The following ZDHHC8 variants were observed in gnomAD, a reference collection of about 807,000 sequenced individuals.
ZDHHC8 encodes the protein palmitoyltransferase ZDHHC8.
ZDHHC8 carries 24 observed loss-of-function variants against 61.2 expected under a neutral mutation model. That is an observed-to-expected ratio of 0.39 (90% CI 0.28 to 0.55). The LOEUF is 0.55. ZDHHC8 is among the 20% of genes least tolerant of loss of function. The probability of loss-of-function intolerance (pLI) is 0.60; values close to 1 mark genes in which losing one functional copy is unlikely to be tolerated. For missense variants in ZDHHC8, 935 were observed against 1,102.1 expected (o/e 0.85, Z 2.15); for synonymous variants, 523 against 492.5 (o/e 1.06, Z -0.82).
In ZDHHC8 at chr22:20,132,022, C is replaced by T. The variant is rs952719865; in HGVS notation, c.75C>T (p.Val25=). The T allele has an allele frequency of 2.2e-6, 3 of 1,388,804 alleles. No individual in the cohort carries two copies. The highest frequency in any genetic ancestry group is 3.0e-5 in the African/African-American group (2 of 66,428). 86.0% of individuals were successfully genotyped at this position (1,388,804 alleles called of 1,614,324 possible). The change falls in exon 1 of 11, where the codon GTC becomes GTT. Residue 25 remains valine (V), a synonymous_variant. Transcript: ENST00000334554. ...IPVATAAALL[V]GSSTLFFVFT... ...TGGCCACGGCCGCCGCGCTGCTGGT[C>T]GGCTCCAGCACCCTCTTCTTCGTGT...
At position 20,137,187 on chromosome 22, in the gene ZDHHC8, A is replaced by G. The variant is rs529979959; in HGVS notation, c.105-2007A>G. Reference sequence around the variant, plus strand: ...GGCAGGAGGGACCCGGTCACACTGCAGATTTCCCAAAGTAGCCCCACGGCT... The same window carrying G: ...GGCAGGAGGGACCCGGTCACACTGCGGATTTCCCAAAGTAGCCCCACGGCT... On this transcript the variant is annotated intron_variant, in intron 1 of 10. Coordinates refer to ENST00000334554, the MANE Select transcript of ZDHHC8 (RefSeq NM_013373.4). Among the ~76,000 whole-genome samples, 48 of 152,364 alleles carry G rather than the reference A, an allele frequency of 3.2e-4. No individual in the cohort carries two copies. The South Asian group carries it at 9.9e-3, about 32-fold the overall frequency.
rs756083854 is a variant in ZDHHC8 at position 20,142,777 on chromosome 22, A to G, written c.1147A>G (p.Thr383Ala). 50 of 1,612,254 alleles carry G rather than the reference A, an allele frequency of 3.1e-5. No individual in the cohort carries two copies. Among genetic ancestry groups the G allele is most frequent in the Non-Finnish European group, 3.8e-5 (45 of 1,179,884 alleles). The part of the protein sequence containing the change: ...GEQVPGPDSL[T>A]LGDDSIRSLD... Reference sequence around the variant, plus strand: ...ACAGGTTCCAGGCCCTGATTCCCTGACCCTGGGGGACGACAGCATCCGTAG... The same window carrying G: ...ACAGGTTCCAGGCCCTGATTCCCTGGCCCTGGGGGACGACAGCATCCGTAG... Residue 383 changes from threonine (T) to alanine (A), a missense_variant, in exon 10 of 11, where the codon ACC (threonine) becomes GCC (alanine). Physicochemically the swap from Thr to Ala is moderately conservative, Grantham distance 58. Around this residue, in one of 3 missense-constraint regions of ZDHHC8, gnomAD observed 692 missense variants for 731.4 expected, o/e 0.95. Coordinates refer to ENST00000334554, the MANE Select transcript of ZDHHC8 (RefSeq NM_013373.4).
At chr22:20,132,260 C>A (rs929672489) in intron 1 of ZDHHC8, among the ~76,000 whole-genome samples, 1 of 152,190 alleles carries the variant, frequency 6.6e-6, no homozygotes, top group Non-Finnish European at 1.5e-5. Context: ...GGGGTGAGTC[C>A]CTTGTGTGGG....
At chr22:20,140,747 C>T (rs2050460971) in intron 6 of ZDHHC8, 39 bp downstream of exon 6, 8 of 1,599,706 alleles carry the variant, frequency 5.0e-6, no homozygotes, top group Non-Finnish European at 6.8e-6. Context: ...GGGGCCTCTG[C>T]TGGGTGTGGG....
At chr22:20,134,994 C>T (rs137876602) in intron 1 of ZDHHC8, among the ~76,000 whole-genome samples, 2,384 of 152,288 alleles carry the variant, frequency 0.016, 27 homozygotes, top group Non-Finnish European at 0.027. Flanking sequence ...TGCAGTGGTG[C>T]TACCTCGGCT....
rs780878976 is a variant in ZDHHC8 at position 20,141,000 on chromosome 22, G to A, written c.882G>A (p.Leu294=). The change falls in exon 7 of 11, where the codon CTG becomes CTA. Residue 294 remains leucine, a synonymous_variant. Transcript: ENST00000334554. The stretch of plus-strand genomic sequence containing the variant: ...GTGACAACGGGCTGAAGGCTGGCCT[G>A]GGCCGTAGCAAGGTGGGCGCCTGGG... The part of the protein sequence containing the change: ...KLSDNGLKAG[L]GRSKSKGSLD... 1 of 1,610,960 alleles carries A rather than the reference G, an allele frequency of 6.2e-7. No individual in the cohort carries two copies. Among genetic ancestry groups the A allele is most frequent in the African/African-American group, 1.3e-5 (1 of 74,950 alleles).
rs189586004 is a variant in ZDHHC8 at position 20,133,516 on chromosome 22, G to A, written c.104+1465G>A. Among the ~76,000 whole-genome samples, 387 of 152,256 alleles carry A rather than the reference G, an allele frequency of 2.5e-3. 5 individuals are homozygous for A. The highest frequency in any genetic ancestry group is 9.0e-3 in the African/African-American group (372 of 41,552). ...GGCCAAGGTGGGCAGATCACCTGAG[G>A]TCAGGAGTTTGAGACCAGCCTGGCC... On this transcript the variant is annotated intron_variant, in intron 1 of 10. Coordinates refer to ENST00000334554, the MANE Select transcript of ZDHHC8 (RefSeq NM_013373.4).
intron 1 of ZDHHC8, 38 bp from the exon 2 acceptor site, chr22:20,139,156 C>A: frequency 6.2e-7 from 1 of 1,601,122 alleles, no homozygotes; most frequent in South Asian, 1.1e-5. Flanking sequence ...CGCTCTGCAC[C>A]CCCAGACTCC....
chr22:20,147,127 C>T lies in ZDHHC8; in HGVS notation c.*1727C>T. 2 of 1,534,702 alleles carry T rather than the reference C, an allele frequency of 1.3e-6. No individual in the cohort carries two copies. The highest frequency in any genetic ancestry group is 1.8e-6 in the Non-Finnish European group (2 of 1,141,124). ...TGGCCGCCCGGAGGACCGCCCACCA[C>T]TGCGGGCCCCCTGGAGCCAGGCCGC... On this transcript the variant is annotated 3_prime_UTR_variant, in exon 11 of 11. Transcript: ENST00000334554.
Position 20,142,686 on chromosome 22 carries a change from C to T in ZDHHC8, c.1126-70C>T, listed in dbSNP as rs569678750. 144 of 1,597,052 alleles carry T rather than the reference C, an allele frequency of 9.0e-5. No individual in the cohort carries two copies. The African/African-American group carries it at 1.7e-3, about 18-fold the overall frequency. On this transcript the variant is annotated intron_variant, in intron 9 of 10. Coordinates refer to ENST00000334554, the MANE Select transcript of ZDHHC8 (RefSeq NM_013373.4). ...AGGCCACGGTGCCATGTGTGGCCCC[C>T]GTGGGTGCTGACTGGCGGCTGCAGG... is the stretch of plus-strand genomic sequence containing the variant.
intron 3 of ZDHHC8, 24 bp from the exon 4 acceptor site, chr22:20,139,696 C>T (rs575036371): frequency 9.3e-6 from 15 of 1,611,326 alleles, no homozygotes; most frequent in Non-Finnish European, 1.3e-5. Flanking sequence ...CTGCCATGTG[C>T]CCTGATGCAC....
In ZDHHC8 at chr22:20,139,296, C is replaced by A; in HGVS notation, c.207C>A (p.Asp69Glu). 1 of 1,613,830 alleles carries A rather than the reference C, an allele frequency of 6.2e-7. No individual in the cohort carries two copies. Among genetic ancestry groups the A allele is most frequent in the Non-Finnish European group, 8.5e-7 (1 of 1,179,928 alleles). The change falls in exon 2 of 11, where the codon GAC becomes GAA. Residue 69 changes from aspartate to glutamate, a missense_variant. This residue lies in a region of ZDHHC8 where 199 missense variants were observed against 334.0 expected (regional missense o/e 0.60). Transcript: ENST00000334554. Reference sequence around the variant, plus strand: ...ACTTCAGCATGGCCACTTTCATGGACCCTGGTGTTTTCCCCCGAGGTAGGG... The same window carrying A: ...ACTTCAGCATGGCCACTTTCATGGAACCTGGTGTTTTCCCCCGAGGTAGGG... The part of the protein sequence containing the change: ...LANFSMATFM[D>E]PGVFPRADED...
intron 2 of ZDHHC8, 42 bp downstream of exon 2, chr22:20,139,357 A>C (rs2050447061): frequency 1.9e-6 from 3 of 1,607,614 alleles, no homozygotes; most frequent in Non-Finnish European, 2.5e-6. Flanking sequence ...CTTTCACTAG[A>C]GTGTGAGTGG....
At position 20,143,167 on chromosome 22, in the gene ZDHHC8, G is replaced by A. The variant is rs765628356; in HGVS notation, c.1537G>A (p.Ala513Thr). The change falls in exon 10 of 11, where the codon GCA (alanine) becomes ACA (threonine). Residue 513 changes from alanine (A) to threonine (T), a missense_variant. Around this residue, in one of 3 missense-constraint regions of ZDHHC8, gnomAD observed 692 missense variants for 731.4 expected, o/e 0.95. Coordinates refer to ENST00000334554, the MANE Select transcript of ZDHHC8 (RefSeq NM_013373.4). The stretch of plus-strand genomic sequence containing the variant: ...CCACTCACCCTACCTGCATCCTGGG[G>A]CAACGGGCGACCCGCCACGGCCCCT... ...GYHSPYLHPG[A>T]TGDPPRPLPR... is the part of the protein sequence containing the mutation. 1 of 1,611,058 alleles carries A rather than the reference G, an allele frequency of 6.2e-7. No homozygotes were observed. The highest frequency in any genetic ancestry group is 1.1e-5 in the South Asian group (1 of 91,058).
At chr22:20,138,590 TG>T (rs998407137) in intron 1 of ZDHHC8, among the ~76,000 whole-genome samples, 5 of 151,990 alleles carry the variant, frequency 3.3e-5, no homozygotes, top group African/African-American at 4.8e-5. Context: ...TGGGAAGTGG[TG>T]GGGGGTGTTG....
Position 20,146,327 on chromosome 22 carries a change from A to G in ZDHHC8, c.*927A>G. ...TGGGAAAGCACACTGGGGAGGGGTC[A>G]GTGCTTCCCTTGGTGTCAGGGACCT... is the stretch of plus-strand genomic sequence containing the variant. On this transcript the variant is annotated 3_prime_UTR_variant, in exon 11 of 11. Coordinates refer to ENST00000334554, the MANE Select transcript of ZDHHC8 (RefSeq NM_013373.4). The G allele has an allele frequency of 1.0e-6, 1 of 985,666 alleles. No individual in the cohort carries two copies. The highest frequency in any genetic ancestry group is 1.2e-6 in the Non-Finnish European group (1 of 829,946). 61.1% of individuals were successfully genotyped at this position (985,666 alleles called of 1,614,324 possible).
At position 20,146,401 on chromosome 22, in the gene ZDHHC8, T is replaced by A. The variant is rs2050524397; in HGVS notation, c.*1001T>A. ...TGCTTGCGTTGTGTCTGTTTTATGT[T>A]TTTATATCTACATCTATATATCTAT... On this transcript the variant is annotated 3_prime_UTR_variant, in exon 11 of 11. Coordinates refer to ENST00000334554, the MANE Select transcript of ZDHHC8 (RefSeq NM_013373.4). The A allele has an allele frequency of 1.0e-6, 1 of 985,316 alleles. No homozygotes were observed. Among genetic ancestry groups the A allele is most frequent in the African/African-American group, 1.7e-5 (1 of 57,232 alleles). 61.0% of individuals were successfully genotyped at this position (985,316 alleles called of 1,614,324 possible).
Position 20,131,967 on chromosome 22 carries a change from C to G in ZDHHC8, c.20C>G (p.Thr7Arg), listed in dbSNP as rs1407924048. The change falls in exon 1 of 11, where the codon ACG becomes AGG. Residue 7 changes from threonine to arginine, a missense_variant. Thr to Arg is a moderately conservative substitution (Grantham distance 71). Around this residue, in one of 3 missense-constraint regions of ZDHHC8, gnomAD observed 44 missense variants for 36.6 expected, o/e 1.20. Coordinates refer to ENST00000334554, the MANE Select transcript of ZDHHC8 (RefSeq NM_013373.4). ...CCCAGGATGCCCCGCAGCCCCGGGA[C>G]GCGCCTCAAACCCGCCAAGTACATC... MPRSPG[T>R]RLKPAKYIPV... 1.5e-6 allele frequency: 2 copies of G among 1,307,800 alleles called. No homozygotes were observed. Among genetic ancestry groups the G allele is most frequent in the Non-Finnish European group, 2.0e-6 (2 of 1,009,948 alleles). 81.0% of individuals were successfully genotyped at this position (1,307,800 alleles called of 1,614,324 possible).
rs1602579589 is a variant in ZDHHC8, at chr22:20,146,790, A to G, written c.*1390A>G. 8.1e-7 allele frequency: 1 copy of G among 1,233,614 alleles called. No homozygotes were observed. Among genetic ancestry groups the G allele is most frequent in the Middle Eastern group, 3.1e-4 (1 of 3,194 alleles). 76.4% of individuals were successfully genotyped at this position (1,233,614 alleles called of 1,614,324 possible). The stretch of plus-strand genomic sequence containing the variant: ...GCTTGGGGAGATGAAATGGGGGTGC[A>G]TAGGGGCCACCTGTTGGCTCAGGGC... On this transcript the variant is annotated 3_prime_UTR_variant, in exon 11 of 11. Transcript: ENST00000334554.
Sources: gnomAD v4.1 joint callset for allele counts (sites outside exome capture counted in the v4.1 genomes callset) on GRCh38, gnomAD v4.1.1 for gene constraint, gnomAD v4.1.1 regional missense constraint, MANE v1.5 for transcripts, NCBI Gene and HGNC (gene_info 2026-07-23, HGNC 2026-07-21) for gene names.